Variants in TLE2 observed in about 807,000 individuals in gnomAD.
TLE2 encodes the protein TLE family member 2, transcriptional corepressor.
TLE2 carries 74 observed loss-of-function variants against 97.2 expected under a neutral mutation model. That is an observed-to-expected ratio of 0.76 (90% confidence interval 0.63 to 0.92). TLE2 has a LOEUF of 0.92. Ranked by LOEUF, TLE2 falls within the 40% of genes least tolerant of loss-of-function variation. The pLI is 0.00. For missense variants in TLE2, 1,038 were observed against 1,008.7 expected (o/e 1.03, Z -0.39); for synonymous variants, 499 against 432.1 (o/e 1.15, Z -1.92).
chr19:3,006,454 C>G lies in TLE2; in HGVS notation c.1466G>C (p.Gly489Ala), dbSNP rs745605556. 1.2e-6 allele frequency: 2 copies of G among 1,610,724 alleles called. No individual in the cohort carries two copies. Among genetic ancestry groups the G allele is most frequent in the East Asian group, 2.2e-5 (1 of 44,864 alleles). The change falls in exon 15 of 20, where the codon GGG becomes GCG. Residue 489 changes from glycine (G) to alanine (A), a missense_variant. Transcript: ENST00000262953. ...GAGCTGGGCCACGGGCGTCTTGGCCCCAGGCTGGCCCACGTCCCACACCTT... is the reference window on the plus strand; with the variant it reads ...GAGCTGGGCCACGGGCGTCTTGGCCGCAGGCTGGCCCACGTCCCACACCTT... ...CVKVWDVGQP[G>A]AKTPVAQLDC... is the part of the protein sequence containing the mutation.
Position 3,019,611 on chromosome 19 carries a change from C to G in TLE2, c.369+88G>C. On this transcript the variant is annotated intron_variant, in intron 6 of 19. Coordinates refer to ENST00000262953, the MANE Select transcript of TLE2 (RefSeq NM_003260.5). This position sits in a 1 kb window ranked among gnomAD's most constrained non-coding sequence, Gnocchi z 5.1. Reference sequence around the variant, plus strand: ...ACCACTGGAGCCAAGGCCCACACACCACCCCAGCTTTAACACCTCCTGGGT... The same window carrying G: ...ACCACTGGAGCCAAGGCCCACACACGACCCCAGCTTTAACACCTCCTGGGT... The G allele has an allele frequency of 4.6e-6, 7 of 1,538,286 alleles. No individual in the cohort carries two copies. The highest frequency in any genetic ancestry group is 6.1e-6 in the Non-Finnish European group (7 of 1,138,724).
intron 1 of TLE2, among the ~76,000 whole-genome samples, chr19:3,037,214 T>A (rs1417623075): frequency 1.3e-5 from 2 of 152,168 alleles, no homozygotes; most frequent in Middle Eastern, 3.4e-3. Context: ...GAACCTGGGA[T>A]GCAGAGGTTG....
intron 13 of TLE2, among the ~76,000 whole-genome samples, 169 bp downstream of exon 13, chr19:3,009,373 T>C (rs1418081673): frequency 3.3e-5 from 5 of 152,258 alleles, no homozygotes; most frequent in African/African-American, 9.6e-5. Flanking sequence ...TGTATTAAGC[T>C]TGTGGGACTA....
rs1364881331 is a variant in TLE2 at position 3,028,322 on chromosome 19, G to A, written c.183C>T (p.Val61=). The change falls in exon 3 of 20, where the codon GTC becomes GTT. Residue 61 remains valine, a synonymous_variant. Transcript: ENST00000262953. The part of the protein sequence containing the change: ...SEKTEMQRHY[V]MYYEMSYGLN... ...CTGGCATCATAAGTGCCCTCACCAT[G>A]ACATAATGTCGCTGCATTTCCGTCT... The A allele has an allele frequency of 2.5e-6, 4 of 1,608,444 alleles. No individual in the cohort carries two copies. The highest frequency in any genetic ancestry group is 3.4e-6 in the Non-Finnish European group (4 of 1,177,362).
upstream of TLE2, among the ~76,000 whole-genome samples, chr19:3,030,924 C>T (rs2090018562): frequency 6.9e-6 from 1 of 144,408 alleles, no homozygotes; most frequent in South Asian, 2.2e-4. Context: ...GCACTCCAGC[C>T]TGGGTGACAG....
chr19:3,010,996 C>G (rs2089583260), intron 12 of TLE2, 26 bp downstream of exon 12: 11 of 1,592,446 alleles, frequency 6.9e-6, no homozygotes, highest in Non-Finnish European at 9.4e-6. Flanking sequence ...CTGCTCCAGA[C>G]AGGCACCAAC....
At chr19:3,010,794 C>T (rs1039420995) in intron 12 of TLE2, among the ~76,000 whole-genome samples, 1 of 152,108 alleles carries the variant, frequency 6.6e-6, no homozygotes, top group African/African-American at 2.4e-5. Context: ...GGCTGAAACC[C>T]CCGACTAAGC....
At chr19:3,034,960 G>A (rs950228913) in intron 1 of TLE2, among the ~76,000 whole-genome samples, 8 of 152,162 alleles carry the variant, frequency 5.3e-5, no homozygotes, top group African/African-American at 1.9e-4. Context: ...GGCATTGCCC[G>A]GTGAGTGAGC....
intron 1 of TLE2, among the ~76,000 whole-genome samples, chr19:3,038,832 G>T (rs1417179706): frequency 6.6e-6 from 1 of 152,150 alleles, no homozygotes; most frequent in Non-Finnish European, 1.5e-5. Flanking sequence ...ATCACCTGAG[G>T]TCGGGAGTTC....
chr19:3,006,004 G>A (rs1568233112), intron 15 of TLE2, 36 bp from the exon 16 acceptor site: 1 of 1,609,090 alleles, frequency 6.2e-7, no homozygotes, highest in Non-Finnish European at 8.5e-7. Context: ...CTGGGGGTTG[G>A]TCCCAGGTGA....
In TLE2 at chr19:3,041,013, A is replaced by ATTT. The variant is rs1168699418; in HGVS notation, c.63+4710_63+4712dup. On this transcript the variant is annotated intron_variant, in intron 1 of 18. Coordinates refer to the TLE2 transcript ENST00000426948. The stretch of plus-strand genomic sequence containing the variant: ...CATTTATATATATATATATATATAT[A>ATTT]TTTTTTTTTTTTTTTTTTTTTTTTT... 9.7e-4 allele frequency among the ~76,000 whole-genome samples: 28 copies of ATTT among 28,978 alleles called. 2 individuals are homozygous for ATTT. Among genetic ancestry groups the ATTT allele is most frequent in the South Asian group, 1.4e-3 (1 of 716 alleles). 19.0% of individuals were successfully genotyped at this position (28,978 alleles called of 152,430 possible). A position where few individuals can be genotyped will look rare whatever the true frequency, so the allele number is the denominator to read the frequency against.
Position 3,028,320 on chromosome 19 carries a change from A to C in TLE2, c.185T>G (p.Met62Arg). 6.2e-7 allele frequency: 1 copy of C among 1,608,148 alleles called. No individual in the cohort carries two copies. The highest frequency in any genetic ancestry group is 8.5e-7 in the Non-Finnish European group (1 of 1,177,274). Reference sequence around the variant, plus strand: ...CCCTGGCATCATAAGTGCCCTCACCATGACATAATGTCGCTGCATTTCCGT... The same window carrying C: ...CCCTGGCATCATAAGTGCCCTCACCCTGACATAATGTCGCTGCATTTCCGT... ...EKTEMQRHYVMYYEMSYGLNI... is the reference protein window; with the variant it reads ...EKTEMQRHYVRYYEMSYGLNI... Residue 62 changes from methionine (M) to arginine (R), a missense_variant and splice_region_variant, in exon 3 of 20, where the codon ATG becomes AGG. By Grantham distance (91) the Met-to-Arg change is moderately conservative. Transcript: ENST00000262953.
At chr19:3,006,189 G>T (rs921754035) in intron 15 of TLE2, 1 of 963,064 alleles carries the variant, frequency 1.0e-6, no homozygotes, top group Non-Finnish European at 1.7e-6. Context: ...CCCATGGTTG[G>T]CCTGCAAACC....
At position 3,028,213 on chromosome 19, in the gene TLE2, C is replaced by T. The variant is rs112835409; in HGVS notation, c.186+106G>A. The T allele has an allele frequency of 3.8e-3, 4,573 of 1,191,798 alleles. 143 individuals are homozygous for T. In the African/African-American group the frequency reaches 0.063, roughly 16 times the overall value. The allele number at this position is 1,191,798 out of a possible 1,614,324, so 73.8% of individuals were successfully genotyped here. ...AATCCCAACCTGCCCAATGTACAGACGGGGAAGACGAGGTTCGGAGTGGGG... is the reference window on the plus strand; with the variant it reads ...AATCCCAACCTGCCCAATGTACAGATGGGGAAGACGAGGTTCGGAGTGGGG... On this transcript the variant is annotated intron_variant, in intron 3 of 19. Transcript: ENST00000262953.
rs1451150713 is a variant in TLE2, at chr19:3,005,892, G to A, written c.1577C>T (p.Thr526Ile). The change falls in exon 16 of 20, where the codon ACC (threonine) becomes ATC (isoleucine). Residue 526 changes from threonine to isoleucine, a missense_variant. Thr to Ile is a moderately conservative substitution (Grantham distance 89). Transcript: ENST00000262953. ...CGCCGCCAGGTCCCAAATGGACAAG[G>A]TGCTGGCCTCACCGCCCACGATCAG... ...RSLIVGGEAS[T>I]LSIWDLAAPT... The A allele has an allele frequency of 3.1e-6, 5 of 1,613,890 alleles. No homozygotes were observed. Among genetic ancestry groups the A allele is most frequent in the Non-Finnish European group, 4.2e-6 (5 of 1,179,812 alleles).
chr19:3,014,344 T>G (rs147996138), intron 10 of TLE2, among the ~76,000 whole-genome samples: 16 of 152,290 alleles, frequency 1.1e-4, no homozygotes, highest in African/African-American at 3.6e-4. Context: ...GGGGTGTCAC[T>G]GCCCACAAAT....
intron 4 of TLE2, among the ~76,000 whole-genome samples, chr19:3,026,383 G>C (rs1227813576): frequency 6.6e-6 from 1 of 150,956 alleles, no homozygotes. Context: ...AGGAGGCAGA[G>C]GTTGCAGTGA....
intron 4 of TLE2, among the ~76,000 whole-genome samples, chr19:3,027,291 G>C (rs1011550336): frequency 1.3e-5 from 2 of 152,238 alleles, no homozygotes; most frequent in Admixed American, 6.5e-5. Context: ...GGTCTATTTT[G>C]GAGTAGTGGG....
At chr19:3,004,568 G>A (rs886765475) in intron 17 of TLE2, among the ~76,000 whole-genome samples, 3 of 150,704 alleles carry the variant, frequency 2.0e-5, no homozygotes, top group African/African-American at 7.4e-5. Context: ...GAACCTGGGA[G>A]GCGCAGGTTG....
Sources: allele counts gnomAD v4.1 joint callset (sites outside exome capture counted in the v4.1 genomes callset), GRCh38; gene constraint gnomAD v4.1.1; non-coding constraint Gnocchi (gnomAD v3.1); transcripts MANE v1.5; gene names NCBI Gene and HGNC (gene_info 2026-07-23, HGNC 2026-07-21).